The following BBS7 variants were observed in gnomAD, a reference collection of about 807,000 sequenced individuals.
BBS7 encodes Bardet-Biedl syndrome 7.
A neutral mutation model predicts 90.3 loss-of-function variants in BBS7; 50 were observed. That is an observed-to-expected ratio of 0.55 (90% CI 0.44 to 0.70). BBS7 has a LOEUF of 0.70. Among genes scored for constraint, BBS7 ranks in the 30% least tolerant of loss-of-function variants. The probability of loss-of-function intolerance (pLI) is 0.00; values close to 1 mark genes in which losing one functional copy is unlikely to be tolerated. For missense variants in BBS7, 729 were observed against 838.9 expected (o/e 0.87, Z 1.62); for synonymous variants, 235 against 287.4 (o/e 0.82, Z 1.85).
At chr4:121,847,690 A>G (rs1422267167) in intron 9 of BBS7, among the ~76,000 whole-genome samples, 184 bp from the exon 10 acceptor site, 2 of 152,154 alleles carry the variant, frequency 1.3e-5, no homozygotes, top group Non-Finnish European at 2.9e-5. Flanking sequence ...TTCAGACTAC[A>G]GAGAAATTAC....
intron 15 of BBS7, among the ~76,000 whole-genome samples, chr4:121,830,020 T>C (rs1178226362): frequency 6.6e-5 from 10 of 152,252 alleles, no homozygotes; most frequent in Admixed American, 6.5e-4. Flanking sequence ...CTAATTAATA[T>C]ATATCATCTT....
chr4:121,846,649 G>C (rs1179432995), intron 10 of BBS7, among the ~76,000 whole-genome samples: 3 of 152,176 alleles, frequency 2.0e-5, no homozygotes. Flanking sequence ...AGGATATCCT[G>C]AATGAATCTG....
At chr4:121,838,532 T>C (rs549107461) in intron 13 of BBS7, among the ~76,000 whole-genome samples, 56 of 152,300 alleles carry the variant, frequency 3.7e-4, no homozygotes, top group South Asian at 1.7e-3. Context: ...GACTATGTCA[T>C]TAAATTGCTA....
chr4:121,839,730 A>G, intron 12 of BBS7, 34 bp from the exon 13 acceptor site: 1 of 1,573,884 alleles, frequency 6.4e-7, no homozygotes, highest in Non-Finnish European at 8.7e-7. Context: ...AAAAGAATGA[A>G]TCCATGTTTT....
intron 1 of BBS7, among the ~76,000 whole-genome samples, chr4:121,868,904 G>A (rs1309168339): frequency 6.6e-6 from 1 of 151,952 alleles, no homozygotes; most frequent in African/African-American, 2.4e-5. Flanking sequence ...ATGATAAAAC[G>A]TTCATATAGT....
chr4:121,830,125 G>A (rs763449860), intron 15 of BBS7, among the ~76,000 whole-genome samples: 10 of 152,166 alleles, frequency 6.6e-5, no homozygotes, highest in Admixed American at 1.3e-4. Flanking sequence ...GCTTTGGTCC[G>A]TTGTGGTGGC....
chr4:121,858,739 T>A (rs1726820080), intron 5 of BBS7: 1 of 414,598 alleles, frequency 2.4e-6, no homozygotes, highest in African/African-American at 2.0e-5. Flanking sequence ...TCCATTCTGA[T>A]AATAGCTCAG....
intron 15 of BBS7, among the ~76,000 whole-genome samples, chr4:121,831,142 T>C (rs575677292): frequency 2.0e-5 from 3 of 152,096 alleles, no homozygotes; most frequent in African/African-American, 4.8e-5. Flanking sequence ...GAGGTGGCGG[T>C]TGCAGTGAGC....
chr4:121,845,466 T>C, intron 11 of BBS7, 38 bp downstream of exon 11: 2 of 1,506,706 alleles, frequency 1.3e-6, no homozygotes, highest in Non-Finnish European at 1.8e-6. Flanking sequence ...GCAAAATAGA[T>C]CCAGTCATAA....
At chr4:121,867,504 AT>A (rs1258549926) in intron 2 of BBS7, among the ~76,000 whole-genome samples, 1 of 152,140 alleles carries the variant, frequency 6.6e-6, no homozygotes, top group African/African-American at 2.4e-5. Context: ...AGGATAAAGT[AT>A]TTTTTTGCAG....
At chr4:121,863,193 T>C (rs1306552572) in intron 3 of BBS7, 24 bp downstream of exon 3, 8 of 1,610,178 alleles carry the variant, frequency 5.0e-6, no homozygotes, top group East Asian at 2.2e-5. Context: ...AAACCATTTT[T>C]CCCCTTCACA....
rs535817614 is a variant in BBS7, at chr4:121,839,858, C to T, written c.1306-162G>A. 6.4e-4 allele frequency among the ~76,000 whole-genome samples: 98 copies of T among 152,278 alleles called. 1 individual carries two copies. Among genetic ancestry groups the T allele is most frequent in the African/African-American group, 2.3e-3 (97 of 41,552 alleles). ...CTTACACTTACAAAAACTCTATGCA[C>T]TAAGTTTTACTAATTAAATTTTAAC... On this transcript the variant is annotated intron_variant, in intron 12 of 18. Coordinates refer to ENST00000264499, the MANE Select transcript of BBS7 (RefSeq NM_176824.3).
At chr4:121,833,769 T>C (rs1294303598) in intron 14 of BBS7, among the ~76,000 whole-genome samples, 5 of 152,140 alleles carry the variant, frequency 3.3e-5, no homozygotes, top group Non-Finnish European at 7.3e-5. Flanking sequence ...GGTCTCAAAC[T>C]CCAGGGCTCA....
intron 5 of BBS7, among the ~76,000 whole-genome samples, chr4:121,855,912 A>G (rs1490429498): frequency 3.1e-5 from 4 of 129,884 alleles, no homozygotes; most frequent in Non-Finnish European, 6.1e-5. Flanking sequence ...GTATATATGT[A>G]TATATGTGTA....
At chr4:121,827,590 G>C (rs1306935924) in intron 18 of BBS7, 1 of 180,188 alleles carries the variant, frequency 5.5e-6, no homozygotes, top group Admixed American at 6.5e-5. Context: ...TAACAAAATT[G>C]TTTTTCTTAA....
Position 121,835,192 on chromosome 4 carries a change from A to T in BBS7, c.1463T>A (p.Ile488Asn), listed in dbSNP as rs907917156. The change falls in exon 14 of 19, where the codon ATC (isoleucine) becomes AAC (asparagine). Residue 488 changes from isoleucine to asparagine, a missense_variant. Transcript: ENST00000264499. The stretch of plus-strand genomic sequence containing the variant: ...TCTTTGATGGAGTGAAAGAGGTTTG[A>T]TGTGGTACTGGCGGACCTGACAGGT... ...PKTCQVRQYH[I>N]KPLSLHQRTH... is the part of the protein sequence containing the mutation. 6.2e-7 allele frequency: 1 copy of T among 1,613,922 alleles called. No individual in the cohort carries two copies. The highest frequency in any genetic ancestry group is 1.3e-5 in the African/African-American group (1 of 75,046).
At chr4:121,869,604 T>A (rs1727473221) in intron 1 of BBS7, among the ~76,000 whole-genome samples, 1 of 152,188 alleles carries the variant, frequency 6.6e-6, no homozygotes, top group African/African-American at 2.4e-5. Flanking sequence ...AGTGGCATGA[T>A]GTCAGCTCAC....
intron 12 of BBS7, among the ~76,000 whole-genome samples, chr4:121,841,181 T>G (rs997778976): frequency 1.3e-5 from 2 of 152,116 alleles, no homozygotes; most frequent in African/African-American, 4.8e-5. Flanking sequence ...CGTTATATAC[T>G]ACAGTGTTTA....
chr4:121,826,212 A>G (rs1260199501), intron 18 of BBS7, among the ~76,000 whole-genome samples: 1 of 152,218 alleles, frequency 6.6e-6, no homozygotes, highest in African/African-American at 2.4e-5. Context: ...CCCTCTTAAC[A>G]ATTGATTACA....
Sources: allele counts gnomAD v4.1 joint callset (sites outside exome capture counted in the v4.1 genomes callset), GRCh38; gene constraint gnomAD v4.1.1; transcripts MANE v1.5; gene names NCBI Gene and HGNC (gene_info 2026-07-23, HGNC 2026-07-21).